SHROOM2: variants seen among roughly 807,000 people sequenced by gnomAD.
The protein encoded by SHROOM2 is shroom family member 2, also known as protein Shroom2.
SHROOM2 carries 33 observed loss-of-function variants against 75.9 expected under a neutral mutation model. The observed-to-expected ratio is 0.43, with a 90% CI of 0.33 to 0.58. The LOEUF is 0.58. Ranked by LOEUF, SHROOM2 falls within the 20% of genes least tolerant of loss-of-function variation. The pLI is 0.04. For missense variants in SHROOM2, 1,434 were observed against 1,461.2 expected, an observed-to-expected ratio of 0.98 and a Z score of 0.30; for synonymous variants, 655 against 663.6, an observed-to-expected ratio of 0.99 and a Z score of 0.20.
At chrX:9,809,528 G>A (rs963827189) in intron 1 of SHROOM2, among the ~76,000 whole-genome samples, 8 of 112,070 alleles carry the variant, frequency 7.1e-5, no homozygotes, top group East Asian at 2.8e-4. Flanking sequence ...ATGTGAGATC[G>A]TACATAATCT....
At chrX:9,797,394 G>A (rs891754076) in intron 1 of SHROOM2, among the ~76,000 whole-genome samples, 7 of 112,615 alleles carry the variant, frequency 6.2e-5, no homozygotes, top group African/African-American at 2.3e-4. Context: ...GCCATTCATT[G>A]TATGTTTTTT....
intron 1 of SHROOM2, among the ~76,000 whole-genome samples, chrX:9,850,127 C>A (rs1055189426): frequency 6.3e-5 from 7 of 111,787 alleles, no homozygotes; most frequent in African/African-American, 1.6e-4. Flanking sequence ...TGCTGGGCAT[C>A]TTGGGGCCAG....
intron 5 of SHROOM2, among the ~76,000 whole-genome samples, chrX:9,905,871 C>T (rs1375772733): frequency 9.0e-6 from 1 of 111,643 alleles, no homozygotes; most frequent in African/African-American, 3.3e-5. Flanking sequence ...GGAAGAACAT[C>T]AGGGTACCGT....
intron 5 of SHROOM2, among the ~76,000 whole-genome samples, chrX:9,920,644 T>G (rs1053345147): frequency 8.9e-6 from 1 of 112,423 alleles, no homozygotes; most frequent in African/African-American, 3.2e-5. Flanking sequence ...TAAAGAAATA[T>G]AGTAATAACA....
In SHROOM2 at chrX:9,887,196, G is replaced by C. The variant is rs765937716; in HGVS notation, c.318-3781G>C. Among the ~76,000 whole-genome samples, 23 of 112,578 alleles carry C rather than the reference G, an allele frequency of 2.0e-4. No individual in the cohort carries two copies. In the South Asian group the frequency reaches 8.4e-3, roughly 41 times the overall value. On this transcript the variant is annotated intron_variant, in intron 2 of 9. Transcript: ENST00000380913. ...AGGTTAATGTTACCAGCAAGCTGCT[G>C]TCTCCCCGATGTAACTGACCAAGCT...
At chrX:9,934,075 A>G (rs754344756) in intron 6 of SHROOM2, among the ~76,000 whole-genome samples, 35 of 111,631 alleles carry the variant, frequency 3.1e-4, no homozygotes, top group Non-Finnish European at 5.7e-4. Context: ...GCATTGTCCG[A>G]CCGCAGATGC....
intron 6 of SHROOM2, among the ~76,000 whole-genome samples, chrX:9,936,105 C>T (rs57166675): frequency 0.11 from 11,252 of 105,491 alleles, 1,654 homozygotes; most frequent in African/African-American, 0.37. Context: ...AGAAACTTTT[C>T]TTTTTTTTTT....
At chrX:9,867,133 C>T (rs372538265) in intron 1 of SHROOM2, among the ~76,000 whole-genome samples, 9 of 111,832 alleles carry the variant, frequency 8.0e-5, no homozygotes, top group Admixed American at 2.9e-4. Context: ...CCATAAAAGA[C>T]TTTGATTAAC....
chrX:9,850,114 A>G (rs917811729), intron 1 of SHROOM2, among the ~76,000 whole-genome samples: 1 of 111,465 alleles, frequency 9.0e-6, no homozygotes, highest in African/African-American at 3.3e-5. Flanking sequence ...TCCCTCTCAT[A>G]CCTGCTGGGC....
intron 5 of SHROOM2, among the ~76,000 whole-genome samples, chrX:9,902,038 GTGGATAGATGGA>G (rs1206135743): frequency 9.0e-6 from 1 of 110,787 alleles, no homozygotes; most frequent in Non-Finnish European, 1.9e-5. Context: ...GGAAGGGTAA[GTGGATAGATGGA>G]TGGATGGATG....
rs752395351 is a variant in SHROOM2 at position 9,915,621 on chromosome X, A to T, written c.2892-16554A>T. Among the ~76,000 whole-genome samples, 3 of 112,520 alleles carry T rather than the reference A, an allele frequency of 2.7e-5. No homozygotes were observed. The South Asian group carries it at 1.1e-3, about 42-fold the overall frequency. ...CCTTAAATGTACTTGGAGGCCATTA[A>T]GGGTGGAAAAGCTAGAAATTCTAGG... On this transcript the variant is annotated intron_variant, in intron 5 of 9. Transcript: ENST00000380913.
intron 1 of SHROOM2, among the ~76,000 whole-genome samples, chrX:9,866,253 G>A (rs1354265651): frequency 9.2e-6 from 1 of 108,864 alleles, no homozygotes; most frequent in Non-Finnish European, 1.9e-5. Flanking sequence ...GATGAGTCAG[G>A]TTTCCTTTCT....
At chrX:9,799,249 C>T (rs1465744450) in intron 1 of SHROOM2, among the ~76,000 whole-genome samples, 1 of 96,684 alleles carries the variant, frequency 1.0e-5, no homozygotes, top group Non-Finnish European at 2.0e-5. Context: ...CTCACTGCAA[C>T]CTTTGCCTCC....
At chrX:9,877,145 A>G (rs962715733) in intron 2 of SHROOM2, among the ~76,000 whole-genome samples, 17 of 111,988 alleles carry the variant, frequency 1.5e-4, no homozygotes, top group Non-Finnish European at 2.8e-4. Flanking sequence ...CTTGTTTCAC[A>G]GGCATGGGCA....
chrX:9,902,608 A>T (rs755803214), intron 5 of SHROOM2, among the ~76,000 whole-genome samples: 1 of 112,843 alleles, frequency 8.9e-6, no homozygotes, highest in East Asian at 2.8e-4. Flanking sequence ...ATTTGGAATC[A>T]AGAAGACATA....
chrX:9,877,361 C>CGAGATGTCA (rs1327806552), intron 2 of SHROOM2, among the ~76,000 whole-genome samples: 2 of 111,187 alleles, frequency 1.8e-5, no homozygotes, highest in Non-Finnish European at 3.8e-5. Context: ...ATCCACGGCC[C>CGAGATGTCA]GAGATGTCAG....
At chrX:9,851,446 C>CTTTTTTTTTT (rs746715538) in intron 1 of SHROOM2, among the ~76,000 whole-genome samples, 5 of 63,181 alleles carry the variant, frequency 7.9e-5, no homozygotes, top group Non-Finnish European at 1.1e-4. Flanking sequence ...CAGGATATTG[C>CTTTTTTTTTT]TTTTTTTTTT....
intron 1 of SHROOM2, among the ~76,000 whole-genome samples, chrX:9,864,868 C>G (rs1453612627): frequency 1.3e-5 from 1 of 79,013 alleles, no homozygotes; most frequent in Non-Finnish European, 3.2e-5. Flanking sequence ...AAAAAATTAG[C>G]CAGGTGTGGT....
intron 5 of SHROOM2, among the ~76,000 whole-genome samples, chrX:9,929,671 G>A (rs1023265343): frequency 9.6e-4 from 107 of 111,941 alleles, no homozygotes; most frequent in African/African-American, 3.4e-3. Context: ...ATCAGTGGGT[G>A]ACCAAAGGCA....
Sources: gnomAD v4.1 joint callset for allele counts (sites outside exome capture counted in the v4.1 genomes callset) on GRCh38, gnomAD v4.1.1 for gene constraint, MANE v1.5 for transcripts, NCBI Gene and HGNC (gene_info 2026-07-23, HGNC 2026-07-21) for gene names.